The following GHDC variants were observed in gnomAD, a reference collection of about 807,000 sequenced individuals.
GHDC encodes the protein GH3 domain-containing protein.
In GHDC, 39 loss-of-function variants were observed where a neutral mutation model predicts 51.5. The observed-to-expected ratio is 0.76, with a 90% CI of 0.59 to 0.99. The LOEUF (loss-of-function observed/expected upper bound fraction) is 0.99. GHDC is among the 50% of genes least tolerant of loss of function. The probability of loss-of-function intolerance (pLI) is 0.00; values close to 1 mark genes in which losing one functional copy is unlikely to be tolerated. For missense variants in GHDC, 610 were observed against 672.8 expected (o/e 0.91, Z 1.03); for synonymous variants, 282 against 305.2 (o/e 0.92, Z 0.79).
In GHDC at chr17:42,190,289, T is replaced by A; in HGVS notation, c.1289-19A>T. The A allele has an allele frequency of 6.2e-7, 1 of 1,614,220 alleles. No individual in the cohort carries two copies. The highest frequency in any genetic ancestry group is 8.5e-7 in the Non-Finnish European group (1 of 1,180,030). On this transcript the variant is annotated intron_variant, in intron 8 of 9. Transcript: ENST00000587427. ...GAGGAATCTGTGAATAGACCCCATG[T>A]GCACACATACTTCCGGTGAATGGGC...
chr17:42,192,801 T>A, intron 4 of GHDC, 59 bp from the exon 5 acceptor site: 1 of 1,543,068 alleles, frequency 6.5e-7, no homozygotes, highest in Middle Eastern at 1.8e-4. Context: ...GAGCCCCCAT[T>A]TGGGGGTTCT....
intron 5 of GHDC, among the ~76,000 whole-genome samples, 191 bp downstream of exon 5, chr17:42,192,050 C>T (rs2079972648): frequency 6.6e-6 from 1 of 152,236 alleles, no homozygotes; most frequent in African/African-American, 2.4e-5. Flanking sequence ...GCGTGAGCCA[C>T]TGCACCCAGC....
At position 42,190,896 on chromosome 17, in the gene GHDC, G is replaced by C. The variant is rs367553148; in HGVS notation, c.1090C>G (p.Leu364Val). The C allele has an allele frequency of 5.4e-5, 87 of 1,607,260 alleles. No homozygotes were observed. Among genetic ancestry groups the C allele is most frequent in the Non-Finnish European group, 7.0e-5 (83 of 1,177,816 alleles). ...CCAACCACTCGCACCACATCACCCA[G>C]GCGGCACCTGATGGGGTGCAAGTGG... ...TDRASLTRCR[L>V]GDVVRVVGAY... is the part of the protein sequence containing the mutation. Residue 364 changes from leucine (L) to valine (V), a missense_variant, in exon 7 of 10, where the codon CTG (leucine) becomes GTG (valine). Physicochemically the swap from Leu to Val is conservative, Grantham distance 32. This residue lies in a region of GHDC where 412 missense variants were observed against 410.4 expected (regional missense o/e 1.00). Transcript: ENST00000587427.
intron 8 of GHDC, 86 bp downstream of exon 8, chr17:42,190,538 C>A: frequency 6.7e-7 from 1 of 1,492,212 alleles, no homozygotes; most frequent in Non-Finnish European, 9.0e-7. Context: ...GGAGGCTTAT[C>A]TCTTTCCTAG....
chr17:42,193,643 T>A (rs2079988003), intron 2 of GHDC, 49 bp from the exon 3 acceptor site: 2 of 1,482,930 alleles, frequency 1.3e-6, no homozygotes, highest in Non-Finnish European at 1.8e-6. Flanking sequence ...CAATTATCCA[T>A]TTCTCCTCCC....
Position 42,192,645 on chromosome 17 carries a change from C to T in GHDC, c.485G>A (p.Arg162Gln), listed in dbSNP as rs370935274. Residue 162 changes from arginine (R) to glutamine (Q), a missense_variant, in exon 5 of 10, where the codon CGA (arginine) becomes CAA (glutamine). Transcript: ENST00000587427. ...GGTATTCCCAGGCCAAGGCAGGGGT[C>T]GGGGCCAAGGGGATGTAAGCGTCAC... ...ARVTLTSPWP[R>Q]PLPWPGNTLG... The T allele has an allele frequency of 9.3e-6, 15 of 1,611,020 alleles. No individual in the cohort carries two copies. Among genetic ancestry groups the T allele is most frequent in the Middle Eastern group, 1.6e-4 (1 of 6,062 alleles).
rs1368192140 is a variant in GHDC, at chr17:42,193,853, G to A, written c.-97-3C>T. ...TGCACTGAGCTCTGTTTCCTGATCTGCAAAATGGGAATAAGAATAAGAATG... is the reference window on the plus strand; with the variant it reads ...TGCACTGAGCTCTGTTTCCTGATCTACAAAATGGGAATAAGAATAAGAATG... On this transcript the variant is annotated splice_polypyrimidine_tract_variant and splice_region_variant and intron_variant, in intron 1 of 9. Coordinates refer to ENST00000587427, the MANE Select transcript of GHDC (RefSeq NM_032484.5). The A allele has an allele frequency of 6.2e-6, 3 of 484,146 alleles. No homozygotes were observed. The highest frequency in any genetic ancestry group is 1.1e-5 in the Non-Finnish European group (3 of 274,394). 30.0% of individuals were successfully genotyped at this position (484,146 alleles called of 1,614,324 possible).
rs1234346042 is a variant in GHDC at position 42,189,854 on chromosome 17, G to A, written c.1442C>T (p.Pro481Leu). 4.5e-6 allele frequency: 7 copies of A among 1,561,850 alleles called. No individual in the cohort carries two copies. In the Admixed American group the frequency reaches 9.6e-5, roughly 21 times the overall value. The change falls in exon 10 of 10, where the codon CCT (proline) becomes CTT (leucine). Residue 481 changes from proline to leucine, a missense_variant. By Grantham distance (98) the Pro-to-Leu change is moderately conservative (BLOSUM62 -3). Transcript: ENST00000587427. Reference sequence around the variant, plus strand: ...CTGCCCCACCAGGTGGACTCTGGCAGGGCCCACGCTGCCCCAGAACCGCAG... The same window carrying A: ...CTGCCCCACCAGGTGGACTCTGGCAAGGCCCACGCTGCCCCAGAACCGCAG... ...KSLRFWGSVG[P>L]ARVHLVGQGA...
At chr17:42,192,175 G>T in intron 5 of GHDC, 66 bp downstream of exon 5, 8 of 1,499,710 alleles carry the variant, frequency 5.3e-6, no homozygotes, top group Non-Finnish European at 7.1e-6. Flanking sequence ...AGGGCCCAAT[G>T]CATGGCTGCT....
rs753339676 is a variant in GHDC, at chr17:42,192,595, T to C, written c.535A>G (p.Thr179Ala). The C allele has an allele frequency of 6.2e-7, 1 of 1,613,570 alleles. No individual in the cohort carries two copies. Among genetic ancestry groups the C allele is most frequent in the Non-Finnish European group, 8.5e-7 (1 of 1,179,976 alleles). The change falls in exon 5 of 10, where the codon ACC becomes GCC. Residue 179 changes from threonine (T) to alanine (A), a missense_variant. Transcript: ENST00000587427. ...AGCAGCAGGGCCCTAGGGTCCTTGG[T>C]TCCAGGGGTGCCCACCTGGCCCAGG... ...NTLGQVGTPGTKDPRALLLDA... is the reference protein window; with the variant it reads ...NTLGQVGTPGAKDPRALLLDA...
In GHDC at chr17:42,193,040, T is replaced by C. The variant is rs765512106; in HGVS notation, c.266-13A>G. 10 of 1,613,898 alleles carry C rather than the reference T, an allele frequency of 6.2e-6. No homozygotes were observed. In the African/African-American group the frequency reaches 6.7e-5, roughly 11 times the overall value. On this transcript the variant is annotated splice_polypyrimidine_tract_variant and intron_variant, in intron 3 of 9. Transcript: ENST00000587427. ...AAGGTGCTTATGTCTATAGCCCCAA[T>C]GACAACAGAAACGCCTCAGGAAGCC...
intron 6 of GHDC, 51 bp from the exon 7 acceptor site, chr17:42,190,954 A>G (rs2144164467): frequency 6.3e-7 from 1 of 1,577,984 alleles, no homozygotes; most frequent in Non-Finnish European, 8.6e-7. Context: ...TTCTGAGCTC[A>G]TGCCCCAGGC....
rs1365243332 is a variant in GHDC, at chr17:42,192,467, A to G, written c.663T>C (p.Ala221=). 1.9e-6 allele frequency: 3 copies of G among 1,613,652 alleles called. No individual in the cohort carries two copies. The highest frequency in any genetic ancestry group is 4.5e-5 in the East Asian group (2 of 44,886). The change falls in exon 5 of 10, where the codon GCT becomes GCC. Residue 221 remains alanine (A), a synonymous_variant. Transcript: ENST00000587427. ...LGLETDGEEL[A]GAIAAGNPGA... ...CAGGGTTCCCGGCAGCTATCGCCCC[A>G]GCTAGCTCTTCACCATCAGTCTCCA...
intron 5 of GHDC, 117 bp from the exon 6 acceptor site, chr17:42,191,327 T>C: frequency 1.0e-6 from 1 of 989,688 alleles, no homozygotes. Flanking sequence ...CTGCTGCCCT[T>C]CCACCACATC....
rs1022838679 is a variant in GHDC at position 42,189,778 on chromosome 17, G to C, written c.1518C>G (p.Pro506=). 2 of 1,540,116 alleles carry C rather than the reference G, an allele frequency of 1.3e-6. No homozygotes were observed. Among genetic ancestry groups the C allele is most frequent in the Non-Finnish European group, 1.7e-6 (2 of 1,143,174 alleles). ...GGACCCGGGGCATCGCAGGGGGGAA[G>C]GGGGAGGAGGGGCAGGCAGCGAGGG... ...RAALAACPSS[P]FPPAMPRVLR... Residue 506 remains proline, a synonymous_variant, in exon 10 of 10, where the codon CCC becomes CCG. Coordinates refer to ENST00000587427, the MANE Select transcript of GHDC (RefSeq NM_032484.5).
In GHDC at chr17:42,193,514, C is replaced by CGCT. The variant is rs2079986647; in HGVS notation, c.65_67dup (p.Gln22dup). ...CCAGGACAGCCTGGCATCCTGGGAC[C>CGCT]GCTGCTGCCTGAGCAGGGCCAATGT... On this transcript the variant is annotated inframe_insertion, in exon 3 of 10. Transcript: ENST00000587427. 6.4e-7 allele frequency: 1 copy of CGCT among 1,550,656 alleles called. No individual in the cohort carries two copies. Among genetic ancestry groups the CGCT allele is most frequent in the Non-Finnish European group, 8.7e-7 (1 of 1,148,268 alleles).
rs761195909 is a variant in GHDC, at chr17:42,190,655, C to G, written c.1257G>C (p.Leu419=). ...AVGQWAGAKL[L]DHGCVESSIL... is the part of the protein sequence containing the mutation. The stretch of plus-strand genomic sequence containing the variant: ...TGCTGCTCTCCACACAGCCATGGTC[C>G]AGCAGCTTGGCCCCCGCCCACTGCC... Residue 419 remains leucine (L), a synonymous_variant, in exon 8 of 10, where the codon CTG becomes CTC. Coordinates refer to ENST00000587427, the MANE Select transcript of GHDC (RefSeq NM_032484.5). 2 of 1,613,240 alleles carry G rather than the reference C, an allele frequency of 1.2e-6. No homozygotes were observed. Among genetic ancestry groups the G allele is most frequent in the Non-Finnish European group, 1.7e-6 (2 of 1,179,938 alleles).
At position 42,192,734 on chromosome 17, in the gene GHDC, C is replaced by T; in HGVS notation, c.396G>A (p.Leu132=). 2.0e-6 allele frequency: 3 copies of T among 1,537,560 alleles called. No homozygotes were observed. Among genetic ancestry groups the T allele is most frequent in the Non-Finnish European group, 2.6e-6 (3 of 1,146,038 alleles). Residue 132 remains leucine (L), a synonymous_variant, in exon 5 of 10, where the codon TTG becomes TTA. Transcript: ENST00000587427. ...CCTTGTTTAGGGCTGCCAGACCCAG[C>T]AAGGTGGCCTGGAGGAGGAAAGAGA... ...DLGEASLQAT[L]LGLAALNKAY... is the part of the protein sequence containing the mutation.
rs1412661901 is a variant in GHDC at position 42,189,095 on chromosome 17, C to T, written c.*608G>A. 1 of 398,658 alleles carries T rather than the reference C, an allele frequency of 2.5e-6. No individual in the cohort carries two copies. The highest frequency in any genetic ancestry group is 4.4e-6 in the Non-Finnish European group (1 of 226,120). The allele number at this position is 398,658 out of a possible 1,614,324, so 24.7% of individuals were successfully genotyped here. ...AGACCCTGAGGCAAGAATCTGGGTG[C>T]AAGAGGTTTATTTGGGAGCCATCCC... On this transcript the variant is annotated 3_prime_UTR_variant, in exon 10 of 10. Coordinates refer to ENST00000587427, the MANE Select transcript of GHDC (RefSeq NM_032484.5).
Sources: gnomAD v4.1 joint callset for allele counts (sites outside exome capture counted in the v4.1 genomes callset) on GRCh38, gnomAD v4.1.1 for gene constraint, gnomAD v4.1.1 regional missense constraint, MANE v1.5 for transcripts, NCBI Gene and HGNC (gene_info 2026-07-23, HGNC 2026-07-21) for gene names.